Variants in TAS2R1 observed in about 807,000 individuals in gnomAD.
TAS2R1 encodes the protein taste 2 receptor member 1.
For synonymous variants in TAS2R1, 141 were observed against 134.2 expected (o/e 1.05, Z -0.35); for missense variants, 370 against 353.4 (o/e 1.05, Z -0.38).
chr5:9,751,885 C>T, the TAS2R1 span, among the ~76,000 whole-genome samples: 120 of 152,252 alleles, frequency 7.9e-4, 1 homozygote, highest in Admixed American at 7.7e-3. Context: ...CTTTAATTAA[C>T]CATAGGTTCA....
the TAS2R1 span, among the ~76,000 whole-genome samples, chr5:9,727,107 C>T: frequency 2.0e-5 from 3 of 152,212 alleles, no homozygotes; most frequent in Non-Finnish European, 2.9e-5. Flanking sequence ...AACATACCCA[C>T]AAAACACATG....
At chr5:9,806,778 C>CCTGAAACCATAACTTTCAT in the TAS2R1 span, among the ~76,000 whole-genome samples, 1 of 152,010 alleles carries the variant, frequency 6.6e-6, no homozygotes, top group Non-Finnish European at 1.5e-5. Context: ...AGATCTATGA[C>CCTGAAACCATAACTTTCAT]CTGAAACCAT....
rs142992839 is a variant in TAS2R1, at chr5:9,642,985, C to T, written c.-80-12993G>A. On this transcript the variant is annotated intron_variant, in intron 2 of 2. Transcript: ENST00000506620. ...TCCCTTCTTTCCTTTTTCCTTCTTT[C>T]CTCCCTCCTTCTTTCCTTTCTTTCC... is the stretch of plus-strand genomic sequence containing the variant. Among the ~76,000 whole-genome samples the T allele has an allele frequency of 6.6e-5, 10 of 151,508 alleles. 2 individuals are homozygous for T. Among genetic ancestry groups the T allele is most frequent in the South Asian group, 2.1e-4 (1 of 4,772 alleles).
At chr5:9,678,703 T>C (rs58896564) in intron 1 of TAS2R1, among the ~76,000 whole-genome samples, 21,739 of 152,102 alleles carry the variant, frequency 0.14, 1,932 homozygotes, top group South Asian at 0.21. Context: ...ACACCGCATG[T>C]TCTCACTTAC....
At chr5:9,735,365 G>GT in the TAS2R1 span, among the ~76,000 whole-genome samples, 1 of 151,388 alleles carries the variant, frequency 6.6e-6, no homozygotes, top group Non-Finnish European at 1.5e-5. Flanking sequence ...AAATTTATGA[G>GT]TTTTTTATTG....
At chr5:9,778,738 C>G in the TAS2R1 span, among the ~76,000 whole-genome samples, 4 of 152,212 alleles carry the variant, frequency 2.6e-5, no homozygotes, top group South Asian at 8.3e-4. Flanking sequence ...GTTTTCTCAC[C>G]TCTCTCAAAA....
At chr5:9,892,657 C>G in the TAS2R1 span, among the ~76,000 whole-genome samples, 2 of 152,116 alleles carry the variant, frequency 1.3e-5, no homozygotes, top group African/African-American at 4.8e-5. Context: ...CTTCTTGATT[C>G]CCTGCACTTG....
At chr5:9,698,071 G>A (rs761556191) in intron 1 of TAS2R1, among the ~76,000 whole-genome samples, 10 of 152,036 alleles carry the variant, frequency 6.6e-5, no homozygotes, top group Non-Finnish European at 1.2e-4. Flanking sequence ...CTTAACAGGT[G>A]GGGATATTTT....
chr5:9,717,048 C>G (rs1408698823), upstream of TAS2R1, among the ~76,000 whole-genome samples: 1 of 152,102 alleles, frequency 6.6e-6, no homozygotes, highest in African/African-American at 2.4e-5. Flanking sequence ...CCTGTGGATG[C>G]AGAGAGCAGA....
At chr5:9,793,691 C>T in the TAS2R1 span, among the ~76,000 whole-genome samples, 1 of 152,154 alleles carries the variant, frequency 6.6e-6, no homozygotes, top group East Asian at 1.9e-4. Flanking sequence ...CCAGATGCAG[C>T]CCTGGGGTGC....
the TAS2R1 span, among the ~76,000 whole-genome samples, chr5:9,808,109 T>C: frequency 1.3e-5 from 2 of 152,176 alleles, no homozygotes; most frequent in African/African-American, 4.8e-5. Context: ...AAAGGACTAC[T>C]AAAGGGGAGT....
chr5:9,727,231 G>A, the TAS2R1 span, among the ~76,000 whole-genome samples: 1 of 152,094 alleles, frequency 6.6e-6, no homozygotes, highest in Non-Finnish European at 1.5e-5. Context: ...AAGAGATGAG[G>A]TATTATGTGA....
chr5:9,701,209 GGCAGACAC>G (rs2126525261), intron 1 of TAS2R1, among the ~76,000 whole-genome samples: 1 of 139,134 alleles, frequency 7.2e-6, no homozygotes, highest in South Asian at 2.3e-4. Context: ...TTAGCAACAT[GGCAGACAC>G]GCAGACACAC....
chr5:9,771,807 C>T, the TAS2R1 span, among the ~76,000 whole-genome samples: 1 of 152,020 alleles, frequency 6.6e-6, no homozygotes, highest in Non-Finnish European at 1.5e-5. Context: ...TAGTTGCTCA[C>T]AGTAGCCTCT....
chr5:9,733,241 T>C, the TAS2R1 span, among the ~76,000 whole-genome samples: 1 of 152,230 alleles, frequency 6.6e-6, no homozygotes, highest in Non-Finnish European at 1.5e-5. Context: ...TCCATCTGTT[T>C]TTGTGAATAA....
chr5:9,754,773 G>T, the TAS2R1 span, among the ~76,000 whole-genome samples: 3 of 152,104 alleles, frequency 2.0e-5, no homozygotes, highest in Non-Finnish European at 1.5e-5. Context: ...AACATTCCAC[G>T]CTCATGGGTA....
At chr5:9,643,830 G>C (rs1740132523) in intron 2 of TAS2R1, among the ~76,000 whole-genome samples, 1 of 152,116 alleles carries the variant, frequency 6.6e-6, no homozygotes, top group East Asian at 1.9e-4. Context: ...AATAATTCCA[G>C]GTAAAGTAGA....
the TAS2R1 span, among the ~76,000 whole-genome samples, chr5:9,818,794 T>C: frequency 6.6e-6 from 1 of 152,104 alleles, no homozygotes; most frequent in Non-Finnish European, 1.5e-5. Flanking sequence ...GGAGGAAGCA[T>C]AGAGTCACAT....
the TAS2R1 span, among the ~76,000 whole-genome samples, chr5:9,842,413 C>A: frequency 6.6e-6 from 1 of 151,120 alleles, no homozygotes. Context: ...CTCCACCTCC[C>A]AGGTTTAAGC....
Sources: gnomAD v4.1 joint callset for allele counts (sites outside exome capture counted in the v4.1 genomes callset) on GRCh38, gnomAD v4.1.1 for gene constraint, MANE v1.5 for transcripts, NCBI Gene and HGNC (gene_info 2026-07-23, HGNC 2026-07-21) for gene names.